The following GRAMD4 variants were observed in gnomAD, a reference collection of about 807,000 sequenced individuals.
The protein encoded by GRAMD4 is GRAM domain-containing protein 4.
In GRAMD4, 25 loss-of-function variants were observed where a neutral mutation model predicts 83.9. That is an observed-to-expected ratio of 0.30 (90% CI 0.22 to 0.42). The LOEUF (loss-of-function observed/expected upper bound fraction) is 0.42, where lower values mean the gene tolerates loss of function less well. GRAMD4 is among the 10% of genes least tolerant of loss of function. GRAMD4 has a pLI of 1.00. For missense variants in GRAMD4, 593 were observed against 788.7 expected (o/e 0.75, Z 2.97); for synonymous variants, 336 against 320.9 (o/e 1.05, Z -0.50).
chr22:46,624,926 TCTC>T (rs2081632638), intron 1 of GRAMD4, among the ~76,000 whole-genome samples: 1 of 149,348 alleles, frequency 6.7e-6, no homozygotes, highest in South Asian at 2.1e-4. Context: ...AGTGGCGGGA[TCTC>T]AGCTCACTTC....
chr22:46,604,969 T>C (rs9615393), intron 1 of GRAMD4, among the ~76,000 whole-genome samples: 20,081 of 27,800 alleles, frequency 0.72, 8,424 homozygotes, highest in East Asian at 0.98. Flanking sequence ...TAATGTTCTC[T>C]GGGTTCACCC....
At chr22:46,634,211 G>A (rs2081823285) in intron 2 of GRAMD4, among the ~76,000 whole-genome samples, 1 of 152,228 alleles carries the variant, frequency 6.6e-6, no homozygotes, top group Non-Finnish European at 1.5e-5. Context: ...GTGCCTGGCT[G>A]CTGGGTCTCA....
At chr22:46,641,455 G>A (rs954258005) in intron 3 of GRAMD4, among the ~76,000 whole-genome samples, 1 of 152,150 alleles carries the variant, frequency 6.6e-6, no homozygotes, top group Non-Finnish European at 1.5e-5. Flanking sequence ...GTCTCAGATT[G>A]CTTTGCAGCT....
chr22:46,583,018 G>A (rs765621545), intron 1 of GRAMD4, among the ~76,000 whole-genome samples: 6 of 152,156 alleles, frequency 3.9e-5, no homozygotes, highest in East Asian at 1.9e-4. Flanking sequence ...TCCGCCTCCC[G>A]GGTTCAAGCG....
chr22:46,663,066 C>A lies in GRAMD4; in HGVS notation c.493C>A (p.Arg165Ser), dbSNP rs760752380. The A allele has an allele frequency of 8.7e-6, 14 of 1,611,650 alleles. No homozygotes were observed. In the Admixed American group the frequency reaches 2.0e-4, roughly 23 times the overall value. ...AERRSQGLSS[R>S]LQKWFYERFG... The stretch of plus-strand genomic sequence containing the variant: ...GCGCCGGAGCCAGGGGCTGTCCTCG[C>A]GCCTGCAGAAGTGGTTCTACGAGCG... The change falls in exon 6 of 19, where the codon CGC (arginine) becomes AGC (serine). Residue 165 changes from arginine (R) to serine (S), a missense_variant. Coordinates refer to ENST00000406902, the MANE Select transcript of GRAMD4 (RefSeq NM_015124.5).
At chr22:46,674,834 C>T in intron 16 of GRAMD4, 84 bp downstream of exon 16, 1 of 983,632 alleles carries the variant, frequency 1.0e-6, no homozygotes, top group Non-Finnish European at 1.6e-6. Context: ...GTGGCTGGCC[C>T]AGTGCAGGTT....
chr22:46,612,934 C>T (rs961427269), intron 1 of GRAMD4, among the ~76,000 whole-genome samples: 2 of 152,242 alleles, frequency 1.3e-5, no homozygotes. Flanking sequence ...AGCCCCTGCT[C>T]ACCCACAGGC....
chr22:46,623,526 G>A (rs1469298208), intron 1 of GRAMD4, among the ~76,000 whole-genome samples: 3 of 148,820 alleles, frequency 2.0e-5, no homozygotes, highest in East Asian at 2.1e-4. Context: ...TAGCTGGGAC[G>A]CTTGGACTAC....
At chr22:46,581,236 GC>G (rs1292360935) in intron 1 of GRAMD4, among the ~76,000 whole-genome samples, 1 of 152,220 alleles carries the variant, frequency 6.6e-6, no homozygotes, top group African/African-American at 2.4e-5. Flanking sequence ...GGAAGTACCG[GC>G]CTATCAAAAA....
At chr22:46,585,604 G>C (rs575590312) in intron 1 of GRAMD4, among the ~76,000 whole-genome samples, 1 of 152,228 alleles carries the variant, frequency 6.6e-6, no homozygotes, top group Non-Finnish European at 1.5e-5. Context: ...TTGTGTTCGC[G>C]GTCCCATGAG....
At chr22:46,620,326 G>C, upstream of GRAMD4, 1 of 985,648 alleles carries the variant, frequency 1.0e-6, no homozygotes, top group Non-Finnish European at 1.2e-6. This position sits in a 1 kb window ranked among gnomAD's most constrained non-coding sequence, Gnocchi z 4.7. Flanking sequence ...GCCGCCCTGA[G>C]CCTGGGGGAT....
intron 3 of GRAMD4, among the ~76,000 whole-genome samples, chr22:46,657,756 G>T (rs1158038871): frequency 6.6e-6 from 1 of 152,200 alleles, no homozygotes; most frequent in African/African-American, 2.4e-5. Context: ...CTCTGCTGCC[G>T]ACGCGTCCCA....
At chr22:46,652,441 C>A (rs904662608) in intron 3 of GRAMD4, among the ~76,000 whole-genome samples, 4 of 152,170 alleles carry the variant, frequency 2.6e-5, no homozygotes, top group African/African-American at 4.8e-5. Context: ...GACTTCTGAC[C>A]CCAGAACTGT....
chr22:46,653,472 G>A (rs1341598294), intron 3 of GRAMD4, among the ~76,000 whole-genome samples: 1 of 152,202 alleles, frequency 6.6e-6, no homozygotes, highest in Non-Finnish European at 1.5e-5. Context: ...TTTTCACACA[G>A]GCAGGCATGA....
chr22:46,578,040 A>G (rs536831426), intron 1 of GRAMD4, among the ~76,000 whole-genome samples: 1 of 152,328 alleles, frequency 6.6e-6, no homozygotes, highest in East Asian at 1.9e-4. Context: ...GCTGTGTGGC[A>G]GAAGGTGCAG....
At chr22:46,649,108 G>C (rs927031575) in intron 3 of GRAMD4, among the ~76,000 whole-genome samples, 4 of 152,224 alleles carry the variant, frequency 2.6e-5, no homozygotes, top group Non-Finnish European at 4.4e-5. Context: ...ATTCTGTCTG[G>C]TGTTTGGTCC....
intron 3 of GRAMD4, among the ~76,000 whole-genome samples, chr22:46,647,853 C>G (rs2082093301): frequency 1.3e-5 from 2 of 152,266 alleles, no homozygotes; most frequent in South Asian, 4.1e-4. Context: ...CAGAGATGGG[C>G]TCTCTCGTGG....
intron 3 of GRAMD4, among the ~76,000 whole-genome samples, chr22:46,655,995 T>C (rs2082238512): frequency 6.6e-6 from 1 of 151,700 alleles, no homozygotes; most frequent in Non-Finnish European, 1.5e-5. Context: ...GAGGGGGAGC[T>C]CTGGAGGGAA....
At chr22:46,619,140 G>T (rs150451881), upstream of GRAMD4, among the ~76,000 whole-genome samples, 3 of 152,214 alleles carry the variant, frequency 2.0e-5, no homozygotes, top group Admixed American at 6.5e-5. Context: ...CATGTCATCA[G>T]TTGTGAGCCG....
Sources: gnomAD v4.1 joint callset for allele counts (sites outside exome capture counted in the v4.1 genomes callset) on GRCh38, gnomAD v4.1.1 for gene constraint, Gnocchi (gnomAD v3.1) non-coding constraint, MANE v1.5 for transcripts, NCBI Gene and HGNC (gene_info 2026-07-23, HGNC 2026-07-21) for gene names.